The following VEGFD variants were observed in gnomAD, a reference collection of about 807,000 sequenced individuals.
The protein encoded by VEGFD is vascular endothelial growth factor D.
Under a neutral mutation model 28.0 loss-of-function variants are expected in VEGFD, and 26 were observed. The ratio of observed to expected loss-of-function variants is 0.93; its 90% CI spans 0.68 to 1.29. VEGFD has a LOEUF of 1.29. Among genes scored for constraint, VEGFD ranks in the 50% most tolerant of loss-of-function variants. VEGFD has a pLI of 0.00. For synonymous variants in VEGFD, 93 were observed against 95.5 expected (o/e 0.97, Z 0.15); for missense variants, 294 against 273.4 (o/e 1.08, Z -0.53).
chrX:15,362,030 G>A (rs192499996), intron 2 of VEGFD, among the ~76,000 whole-genome samples: 62 of 110,459 alleles, frequency 5.6e-4, no homozygotes, highest in African/African-American at 1.9e-3. Flanking sequence ...CGCCATGCCT[G>A]GCTAATTTTG....
intron 1 of VEGFD, among the ~76,000 whole-genome samples, chrX:15,375,433 C>T (rs760369058): frequency 4.5e-5 from 5 of 111,770 alleles, no homozygotes; most frequent in Non-Finnish European, 1.9e-5. Flanking sequence ...CGCACACTTG[C>T]TAATAATTAT....
Position 15,384,073 on chromosome X carries a change from A to G in VEGFD, c.-127T>C, listed in dbSNP as rs1431218859. On this transcript the variant is annotated 5_prime_UTR_variant, in exon 1 of 7. Transcript: ENST00000297904. ...AAAACTTCACACAGAAAACCAAATA[A>G]TCAGTTCTGATCAAAATCCAATGAA... 9 of 446,504 alleles carry G rather than the reference A, an allele frequency of 2.0e-5. No homozygotes were observed. The highest frequency in any genetic ancestry group is 3.5e-5 in the Non-Finnish European group (9 of 253,921). 36.8% of individuals were successfully genotyped at this position (446,504 alleles called of 1,213,427 possible).
At chrX:15,372,528 G>A (rs1202859075) in intron 1 of VEGFD, among the ~76,000 whole-genome samples, 4 of 110,857 alleles carry the variant, frequency 3.6e-5, no homozygotes, top group Non-Finnish European at 7.5e-5. Context: ...ACTGATGCTC[G>A]AATCTTAAAT....
intron 1 of VEGFD, among the ~76,000 whole-genome samples, chrX:15,380,409 A>G (rs1472116754): frequency 8.9e-6 from 1 of 112,904 alleles, no homozygotes; most frequent in African/African-American, 3.2e-5. Flanking sequence ...ATTCCTGTGG[A>G]TCTTGGACTG....
intron 1 of VEGFD, among the ~76,000 whole-genome samples, chrX:15,371,004 G>A (rs1264831991): frequency 1.8e-5 from 2 of 110,353 alleles, no homozygotes; most frequent in Non-Finnish European, 3.8e-5. Context: ...GATGGTCCTG[G>A]GGTGTTACTC....
Position 15,384,097 on chromosome X carries a change from A to T in VEGFD, c.-151T>A. On this transcript the variant is annotated 5_prime_UTR_variant, in exon 1 of 7. Transcript: ENST00000297904. ...AATCAGTTCTGATCAAAATCCAATGAAATTATTTCAATTAGGCAAGGTACG... is the reference window on the plus strand; with the variant it reads ...AATCAGTTCTGATCAAAATCCAATGTAATTATTTCAATTAGGCAAGGTACG... 1 of 428,184 alleles carries T rather than the reference A, an allele frequency of 2.3e-6. No individual in the cohort carries two copies. Among genetic ancestry groups the T allele is most frequent in the Non-Finnish European group, 4.1e-6 (1 of 242,937 alleles). 35.3% of individuals were successfully genotyped at this position (428,184 alleles called of 1,213,427 possible).
At chrX:15,376,816 CTTA>C (rs1923450261) in intron 1 of VEGFD, among the ~76,000 whole-genome samples, 1 of 111,748 alleles carries the variant, frequency 8.9e-6, no homozygotes, top group Non-Finnish European at 1.9e-5. Context: ...TTGTGAGTTT[CTTA>C]TTTAGGGTGT....
At chrX:15,368,567 C>T (rs1459059917) in intron 1 of VEGFD, among the ~76,000 whole-genome samples, 1 of 112,367 alleles carries the variant, frequency 8.9e-6, no homozygotes, top group African/African-American at 3.2e-5. Context: ...TGTTCCCAAT[C>T]GGCTTTCTGC....
chrX:15,366,833 A>G (rs1490541904), intron 1 of VEGFD, among the ~76,000 whole-genome samples: 1 of 112,554 alleles, frequency 8.9e-6, no homozygotes, highest in Non-Finnish European at 1.9e-5. Context: ...GCCCAGATCC[A>G]TAAGTCCTGC....
chrX:15,350,326 C>T (rs1922657406), intron 5 of VEGFD, among the ~76,000 whole-genome samples: 1 of 111,889 alleles, frequency 8.9e-6, no homozygotes, highest in South Asian at 3.7e-4. Context: ...CAGCACTTCT[C>T]TTCTTCCCTA....
chrX:15,352,839 T>C (rs887386147), intron 5 of VEGFD, among the ~76,000 whole-genome samples: 1 of 111,938 alleles, frequency 8.9e-6, no homozygotes, highest in African/African-American at 3.2e-5. Context: ...TCTATCACTC[T>C]CAGCTGTGTG....
Position 15,384,198 on chromosome X carries a change from G to GT in VEGFD, c.-253dup, listed in dbSNP as rs1923660668. 7.2e-6 allele frequency: 2 copies of GT among 278,369 alleles called. No homozygotes were observed. The highest frequency in any genetic ancestry group is 1.3e-4 in the East Asian group (2 of 15,141). 22.9% of individuals were successfully genotyped at this position (278,369 alleles called of 1,213,427 possible). A position where few individuals can be genotyped will look rare whatever the true frequency, so the allele number is the denominator to read the frequency against. On this transcript the variant is annotated 5_prime_UTR_variant, in exon 1 of 7. The change abolishes the stop of an existing upstream ORF in the 5' untranslated region. Coordinates refer to ENST00000297904, the MANE Select transcript of VEGFD (RefSeq NM_004469.5). The stretch of plus-strand genomic sequence containing the variant: ...AATGTTCTCCAAAAATAATCAGAAG[G>GT]TGGACATGTCTTCTACCTGAAATTA...
intron 1 of VEGFD, among the ~76,000 whole-genome samples, chrX:15,370,483 T>C (rs1923280240): frequency 8.9e-6 from 1 of 112,174 alleles, no homozygotes; most frequent in Non-Finnish European, 1.9e-5. Flanking sequence ...GACTATATTA[T>C]TTATGAACAC....
In VEGFD at chrX:15,355,194, T is replaced by C. The variant is rs754992738; in HGVS notation, c.597A>G (p.Pro199=). 2.5e-5 allele frequency: 30 copies of C among 1,203,567 alleles called. No individual in the cohort carries two copies. In the Middle Eastern group the frequency reaches 6.9e-4, roughly 28 times the overall value. The change falls in exon 4 of 7, where the codon CCA becomes CCG. Residue 199 remains proline (P), a synonymous_variant. Transcript: ENST00000297904. The part of the protein sequence containing the change: ...CKCLPTAPRH[P]YSIIRRSIQI... ...GGATGGATCTTCTGATAATTGAGTATGGATGGCGGGGGGCTGTTGGCAAGC... is the reference window on the plus strand; with the variant it reads ...GGATGGATCTTCTGATAATTGAGTACGGATGGCGGGGGGCTGTTGGCAAGC...
chrX:15,350,641 G>A (rs1269455246), intron 5 of VEGFD, among the ~76,000 whole-genome samples: 1 of 112,386 alleles, frequency 8.9e-6, no homozygotes, highest in Non-Finnish European at 1.9e-5. Context: ...TGTCTCAGAG[G>A]CTTTGTGCCA....
intron 1 of VEGFD, among the ~76,000 whole-genome samples, chrX:15,371,158 A>C (rs1204071917): frequency 9.0e-6 from 1 of 111,661 alleles, no homozygotes; most frequent in Non-Finnish European, 1.9e-5. Flanking sequence ...CTGCACTTTG[A>C]GAAGGGTTTA....
rs374712203 is a variant in VEGFD at position 15,383,935 on chromosome X, C to A, written c.12G>T (p.Glu4Asp). 25 of 1,194,913 alleles carry A rather than the reference C, an allele frequency of 2.1e-5. No individual in the cohort carries two copies. In the East Asian group the frequency reaches 7.1e-4, roughly 34 times the overall value. ...TCATGAAAACATTCACCACTACCCA[C>A]TCTCTGTACATTTTGAATATTTCAA... is the stretch of plus-strand genomic sequence containing the variant. MYR[E>D]WVVVNVFMML... The change falls in exon 1 of 7, where the codon GAG (glutamate) becomes GAT (aspartate). Residue 4 changes from glutamate (E) to aspartate (D), a missense_variant. Coordinates refer to ENST00000297904, the MANE Select transcript of VEGFD (RefSeq NM_004469.5).
chrX:15,362,050 T>A (rs1006396109), intron 2 of VEGFD, among the ~76,000 whole-genome samples: 16 of 110,803 alleles, frequency 1.4e-4, no homozygotes, highest in Non-Finnish European at 3.0e-4. Flanking sequence ...GTATTTTTAG[T>A]AGAGATGGGT....
intron 4 of VEGFD, among the ~76,000 whole-genome samples, chrX:15,354,144 T>A (rs769975624): frequency 3.2e-4 from 35 of 108,213 alleles, no homozygotes; most frequent in African/African-American, 8.2e-4. Flanking sequence ...AATTTTTTTT[T>A]ATATTTTTAG....
Sources: gnomAD v4.1 joint callset for allele counts (sites outside exome capture counted in the v4.1 genomes callset) on GRCh38, gnomAD v4.1.1 for gene constraint, MANE v1.5 for transcripts, NCBI Gene and HGNC (gene_info 2026-07-23, HGNC 2026-07-21) for gene names.